The following GLIS2 variants were observed in gnomAD, a reference collection of about 807,000 sequenced individuals.
The protein encoded by GLIS2 is zinc finger protein GLIS2.
Under a neutral mutation model 35.6 loss-of-function variants are expected in GLIS2, and 14 were observed. The ratio of observed to expected loss-of-function variants is 0.39; its 90% CI spans 0.26 to 0.61. The LOEUF (loss-of-function observed/expected upper bound fraction) is 0.61. Among genes scored for constraint, GLIS2 ranks in the 20% least tolerant of loss-of-function variants. The pLI, the probability that GLIS2 is intolerant of heterozygous loss-of-function variation, is 0.48. For synonymous variants in GLIS2, 368 were observed against 325.1 expected (o/e 1.13, Z -1.42); for missense variants, 675 against 713.4 (o/e 0.95, Z 0.61).
rs2053537599 is a variant in GLIS2, at chr16:4,335,210, AG to A, written c.656+21del. The A allele has an allele frequency of 6.2e-7, 1 of 1,613,230 alleles. No homozygotes were observed. Among genetic ancestry groups the A allele is most frequent in the South Asian group, 1.1e-5 (1 of 91,056 alleles). ...CAACGCCAGGTGAGGTGGGGGAGAG[AG>A]GGGTAGAGGGAGGACTGGGGTCTCC... On this transcript the variant is annotated intron_variant, in intron 5 of 6. Transcript: ENST00000433375. The surrounding 1 kb of genome is among the most constrained non-coding windows in gnomAD (Gnocchi z 4.6).
chr16:4,318,749 A>C (rs2053343184), intron 1 of GLIS2, among the ~76,000 whole-genome samples: 1 of 152,176 alleles, frequency 6.6e-6, no homozygotes, highest in Non-Finnish European at 1.5e-5. Flanking sequence ...GTGTCCTCTC[A>C]CCACCTAATC....
rs1327408337 is a variant in GLIS2, at chr16:4,336,729, G to C, written c.780G>C (p.Glu260Asp). 3 of 1,598,188 alleles carry C rather than the reference G, an allele frequency of 1.9e-6. No individual in the cohort carries two copies. The highest frequency in any genetic ancestry group is 2.6e-6 in the Non-Finnish European group (3 of 1,173,052). Residue 260 changes from glutamate to aspartate, a missense_variant, in exon 7 of 7, where the codon GAG becomes GAC. Physicochemically the swap from Glu to Asp is conservative, Grantham distance 45. This residue lies in a region of GLIS2 where 133 missense variants were observed against 191.4 expected (regional missense o/e 0.69). Transcript: ENST00000433375. ...CTGCACTGCACCACCCTGCAGGTGA[G>C]AAGCCCTACGTCTGCCCCTACGAGG... ...LKIHNRSHTG[E>D]KPYVCPYEGC...
intron 1 of GLIS2, among the ~76,000 whole-genome samples, chr16:4,322,623 C>T (rs544845091): frequency 3.6e-5 from 5 of 138,346 alleles, no homozygotes; most frequent in South Asian, 2.1e-4. Context: ...CAGGAGCAGC[C>T]CCCCCCCTAC....
chr16:4,316,184 C>T lies in GLIS2; in HGVS notation c.-137C>T, dbSNP rs1317099348. Among the ~76,000 whole-genome samples the T allele has an allele frequency of 6.9e-6, 1 of 145,672 alleles. No homozygotes were observed. The highest frequency in any genetic ancestry group is 1.5e-5 in the Non-Finnish European group (1 of 65,466). ...GGCCCCCGCCCGTCCCGGCCCCTCCCCCGCTCGGCTCCCCGCGCCCCCCGA... is the reference window on the plus strand; with the variant it reads ...GGCCCCCGCCCGTCCCGGCCCCTCCTCCGCTCGGCTCCCCGCGCCCCCCGA... On this transcript the variant is annotated 5_prime_UTR_variant, in exon 1 of 7. Transcript: ENST00000433375.
chr16:4,323,736 T>G (rs2053401887), intron 1 of GLIS2, among the ~76,000 whole-genome samples: 1 of 152,176 alleles, frequency 6.6e-6, no homozygotes, highest in Non-Finnish European at 1.5e-5. Context: ...CTGGGTGACC[T>G]TGGCAGGCCC....
intron 1 of GLIS2, among the ~76,000 whole-genome samples, chr16:4,328,762 G>C (rs2053465342): frequency 6.6e-6 from 1 of 152,208 alleles, no homozygotes; most frequent in African/African-American, 2.4e-5. Flanking sequence ...CCCACCTGGG[G>C]AGACAGGCTC....
At chr16:4,330,747 G>C (rs2053489497) in intron 1 of GLIS2, among the ~76,000 whole-genome samples, 2 of 152,272 alleles carry the variant, frequency 1.3e-5, no homozygotes, top group South Asian at 2.1e-4. Context: ...CGGCTAGCCA[G>C]TTCCCGGGAG....
At chr16:4,323,065 G>T (rs529422595) in intron 1 of GLIS2, among the ~76,000 whole-genome samples, 1 of 152,366 alleles carries the variant, frequency 6.6e-6, no homozygotes, top group East Asian at 1.9e-4. Flanking sequence ...ACAGGTGTCT[G>T]TACATCCGGG....
chr16:4,314,856 C>T (rs946002776), upstream of GLIS2: 9 of 152,310 alleles, frequency 5.9e-5, no homozygotes, highest in African/African-American at 2.2e-4. Flanking sequence ...GGGTGTCCAA[C>T]AGCAGGAGGG....
chr16:4,330,671 T>C (rs538756280), intron 1 of GLIS2, among the ~76,000 whole-genome samples: 2 of 152,344 alleles, frequency 1.3e-5, no homozygotes, highest in South Asian at 4.1e-4. Flanking sequence ...TTCTAGATCT[T>C]TGGGGTCAAA....
In GLIS2 at chr16:4,320,596, C is replaced by T. The variant is rs967918359; in HGVS notation, c.-67+4342C>T. 4.6e-5 allele frequency among the ~76,000 whole-genome samples: 7 copies of T among 152,130 alleles called. No homozygotes were observed. Among genetic ancestry groups the T allele is most frequent in the Non-Finnish European group, 4.4e-5 (3 of 68,018 alleles). ...CCCCACGTCCACTGCAAGGGCATGACGGGGGCCAACGTGTCTGGAAGAAGC... is the reference window on the plus strand; with the variant it reads ...CCCCACGTCCACTGCAAGGGCATGATGGGGGCCAACGTGTCTGGAAGAAGC... On this transcript the variant is annotated intron_variant, in intron 1 of 6. Transcript: ENST00000433375. The surrounding 1 kb of genome is among the most constrained non-coding windows in gnomAD (Gnocchi z 5.6).
chr16:4,319,072 G>A (rs1407811863), intron 1 of GLIS2, among the ~76,000 whole-genome samples: 8 of 152,120 alleles, frequency 5.3e-5, no homozygotes, highest in Admixed American at 5.2e-4. Context: ...CTGCCTCTAA[G>A]GGGAGGCCCA....
At chr16:4,327,143 C>T (rs762293081) in intron 1 of GLIS2, among the ~76,000 whole-genome samples, 1 of 151,818 alleles carries the variant, frequency 6.6e-6, no homozygotes. Flanking sequence ...ATTCTCCTGC[C>T]TCGGCCTCCC....
chr16:4,335,362 G>A lies in GLIS2; in HGVS notation c.744G>A (p.Glu248=). 1.9e-6 allele frequency: 3 copies of A among 1,613,744 alleles called. No individual in the cohort carries two copies. The highest frequency in any genetic ancestry group is 1.1e-5 in the South Asian group (1 of 91,076). ...PTCSKSFSRL[E]NLKIHNRSHT... ...GCAGCAAGAGCTTCTCCCGCCTGGA[G>A]AACCTGAAGATCCACAACCGGTCGC... is the stretch of plus-strand genomic sequence containing the variant. The change falls in exon 6 of 7, where the codon GAG becomes GAA. Residue 248 remains glutamate, a synonymous_variant. Coordinates refer to ENST00000433375, the MANE Select transcript of GLIS2 (RefSeq NM_032575.3). This position sits in a 1 kb window ranked among gnomAD's most constrained non-coding sequence, Gnocchi z 4.6.
rs923596238 is a variant in GLIS2 at position 4,316,202 on chromosome 16, C to A, written c.-119C>A. On this transcript the variant is annotated 5_prime_UTR_variant, in exon 1 of 7. Transcript: ENST00000433375. ...CCCCTCCCCCGCTCGGCTCCCCGCG[C>A]CCCCCGACCGCCGGAGCCCGCAGCC... Among the ~76,000 whole-genome samples, 10 of 145,724 alleles carry A rather than the reference C, an allele frequency of 6.9e-5. No homozygotes were observed. Among genetic ancestry groups the A allele is most frequent in the African/African-American group, 2.2e-4 (9 of 40,406 alleles).
At position 4,318,940 on chromosome 16, in the gene GLIS2, C is replaced by G. The variant is rs74852524; in HGVS notation, c.-67+2686C>G. 7.6e-3 allele frequency among the ~76,000 whole-genome samples: 1,161 copies of G among 152,304 alleles called. 19 individuals are homozygous for G. The highest frequency in any genetic ancestry group is 0.027 in the African/African-American group (1,104 of 41,558). On this transcript the variant is annotated intron_variant, in intron 1 of 6. Transcript: ENST00000433375. ...ATCTCTGGATGAGGGAGGGTGGCGA[C>G]AGCTGTGACTGGGGGACCAGATGTG...
chr16:4,315,976 G>A (rs2053305777), upstream of GLIS2, among the ~76,000 whole-genome samples: 1 of 145,788 alleles, frequency 6.9e-6, no homozygotes, highest in Non-Finnish European at 1.5e-5. Flanking sequence ...TCCGCGGCCG[G>A]CGGGCCCTCC....
In GLIS2 at chr16:4,336,989, A is replaced by AT; in HGVS notation, c.1041dup (p.Val348CysfsTer33). On this transcript the variant is annotated frameshift_variant, in exon 7 of 7. Transcript: ENST00000433375. LOFTEE classifies it high-confidence loss of function. ...CTGCCCGCCCCCGACGGCGGCCCCT[A>AT]TGTCAGTGGGGCCCAGATCATCATC... 1 of 1,608,160 alleles carries AT rather than the reference A, an allele frequency of 6.2e-7. No individual in the cohort carries two copies. Among genetic ancestry groups the AT allele is most frequent in the Non-Finnish European group, 8.5e-7 (1 of 1,178,676 alleles).
chr16:4,331,152 T>G (rs1239079641), intron 1 of GLIS2, among the ~76,000 whole-genome samples: 5 of 152,094 alleles, frequency 3.3e-5, no homozygotes, highest in Non-Finnish European at 7.4e-5. Context: ...AATTTTTTTT[T>G]TTGTTATTTA....
Sources: gnomAD v4.1 joint callset for allele counts (sites outside exome capture counted in the v4.1 genomes callset) on GRCh38, gnomAD v4.1.1 for gene constraint, gnomAD v4.1.1 regional missense constraint, Gnocchi (gnomAD v3.1) non-coding constraint, MANE v1.5 for transcripts, NCBI Gene and HGNC (gene_info 2026-07-23, HGNC 2026-07-21) for gene names.